Variants in EXOC4 observed in about 807,000 individuals in gnomAD.
EXOC4 encodes the protein SEC8-like 1.
A neutral mutation model predicts 107.2 loss-of-function variants in EXOC4; 71 were observed. The observed-to-expected ratio is 0.66, with a 90% CI of 0.55 to 0.81. The LOEUF is 0.81. Ranked by LOEUF, EXOC4 falls within the 30% of genes least tolerant of loss-of-function variation. The probability of loss-of-function intolerance (pLI) is 0.00; values close to 1 mark genes in which losing one functional copy is unlikely to be tolerated. For missense variants in EXOC4, 1,108 were observed against 1,189.6 expected (o/e 0.93, Z 1.01); for synonymous variants, 456 against 441.2 (o/e 1.03, Z -0.42).
At chr7:133,961,788 C>T (rs1800950867) in intron 14 of EXOC4, among the ~76,000 whole-genome samples, 1 of 152,198 alleles carries the variant, frequency 6.6e-6, no homozygotes, top group South Asian at 2.1e-4. Context: ...CTGGCACAGG[C>T]AGGACTGGAA....
At chr7:134,073,821 G>A in the EXOC4 span, among the ~76,000 whole-genome samples, 1 of 152,146 alleles carries the variant, frequency 6.6e-6, no homozygotes, top group Non-Finnish European at 1.5e-5. Context: ...CCAACACCCT[G>A]CTGCTGAAGC....
At chr7:133,604,139 C>G (rs1396073672) in intron 9 of EXOC4, among the ~76,000 whole-genome samples, 3 of 152,084 alleles carry the variant, frequency 2.0e-5, no homozygotes, top group Non-Finnish European at 4.4e-5. Flanking sequence ...ACTGGAAGAT[C>G]TTCAGGGACA....
At chr7:133,782,255 T>C (rs1474915859) in intron 10 of EXOC4, among the ~76,000 whole-genome samples, 2 of 152,226 alleles carry the variant, frequency 1.3e-5, no homozygotes, top group Admixed American at 1.3e-4. Context: ...AAAATAAATG[T>C]AACCTCTGAG....
chr7:133,674,889 A>T (rs1372770227), intron 10 of EXOC4, among the ~76,000 whole-genome samples: 1 of 152,158 alleles, frequency 6.6e-6, no homozygotes, highest in Non-Finnish European at 1.5e-5. Flanking sequence ...GATGTCATTT[A>T]TATACCTGAA....
chr7:133,817,637 T>TG lies in EXOC4; in HGVS notation c.1734+93_1734+94insG, dbSNP rs142010801. ...TTAAAAAAGAAGAATTACCATCTGT[T>TG]TCCATATTCATCAGGGACAAAACAA... is the stretch of plus-strand genomic sequence containing the variant. On this transcript the variant is annotated intron_variant, in intron 11 of 17. Transcript: ENST00000253861. 3,890 of 890,626 alleles carry TG rather than the reference T, an allele frequency of 4.4e-3. 112 individuals are homozygous for TG. In the African/African-American group the frequency reaches 0.057, roughly 13 times the overall value. The allele number at this position is 890,626 out of a possible 1,614,324, so 55.2% of individuals were successfully genotyped here.
At chr7:133,467,468 C>T (rs966742929) in intron 7 of EXOC4, among the ~76,000 whole-genome samples, 5 of 151,894 alleles carry the variant, frequency 3.3e-5, no homozygotes, top group Admixed American at 1.3e-4. Flanking sequence ...ATTTTGTATA[C>T]TGTCAGATCA....
intron 10 of EXOC4, among the ~76,000 whole-genome samples, chr7:133,808,637 T>C (rs1488069761): frequency 2.6e-5 from 4 of 152,182 alleles, no homozygotes; most frequent in Non-Finnish European, 5.9e-5. Flanking sequence ...TCCAGCCTTT[T>C]GCATGGCCTC....
At chr7:133,493,101 G>A (rs1353033180) in intron 9 of EXOC4, among the ~76,000 whole-genome samples, 2 of 152,116 alleles carry the variant, frequency 1.3e-5, no homozygotes, top group Admixed American at 6.5e-5. Context: ...TAGTGATGAC[G>A]AAATGAGTTA....
chr7:133,506,048 T>A (rs915113923), intron 9 of EXOC4, among the ~76,000 whole-genome samples: 3 of 152,200 alleles, frequency 2.0e-5, no homozygotes, highest in Admixed American at 2.0e-4. Context: ...TTTTTAAAAA[T>A]GAGAGATACG....
In EXOC4 at chr7:133,585,262, G is replaced by A. The variant is rs563044547; in HGVS notation, c.1418-44783G>A. ...TGTTATCTGTGTAACTTCAAGTGAC[G>A]GACTTTCCTAAACTTTAGGTTTCTT... On this transcript the variant is annotated intron_variant, in intron 9 of 17. Transcript: ENST00000253861. 4.6e-5 allele frequency among the ~76,000 whole-genome samples: 7 copies of A among 152,260 alleles called. 1 individual carries two copies. The South Asian group carries it at 1.5e-3, about 32-fold the overall frequency.
chr7:133,693,700 TG>T (rs1172260211), intron 10 of EXOC4, among the ~76,000 whole-genome samples: 1 of 152,170 alleles, frequency 6.6e-6, no homozygotes, highest in African/African-American at 2.4e-5. Context: ...ATTCTCGGCA[TG>T]GGTGATAGAA....
At chr7:133,763,873 T>C (rs563818252) in intron 10 of EXOC4, among the ~76,000 whole-genome samples, 1 of 152,164 alleles carries the variant, frequency 6.6e-6, no homozygotes, top group Admixed American at 6.6e-5. Context: ...ATTTCTGCTT[T>C]TAGTGGCTCT....
At chr7:133,334,080 T>C (rs1795454382) in intron 5 of EXOC4, among the ~76,000 whole-genome samples, 1 of 152,216 alleles carries the variant, frequency 6.6e-6, no homozygotes, top group Non-Finnish European at 1.5e-5. Context: ...TTTAGGTTCA[T>C]TTGTTACTGT....
At chr7:133,798,303 A>G (rs531519934) in intron 10 of EXOC4, among the ~76,000 whole-genome samples, 2 of 152,346 alleles carry the variant, frequency 1.3e-5, no homozygotes, top group African/African-American at 2.4e-5. Context: ...AATAAGCTTT[A>G]GAGATCTCCA....
At chr7:133,905,092 C>T (rs192060246) in intron 12 of EXOC4, among the ~76,000 whole-genome samples, 59 of 152,292 alleles carry the variant, frequency 3.9e-4, no homozygotes, top group Admixed American at 1.1e-3. Flanking sequence ...AGCAGGAAGA[C>T]GTTGCACTCT....
intron 11 of EXOC4, among the ~76,000 whole-genome samples, chr7:133,846,771 G>A (rs1798136709): frequency 6.6e-6 from 1 of 152,232 alleles, no homozygotes; most frequent in Admixed American, 6.5e-5. Flanking sequence ...AAAAGTGGGT[G>A]GCAGGCCACA....
intron 10 of EXOC4, among the ~76,000 whole-genome samples, chr7:133,714,653 A>T (rs1006477282): frequency 1.3e-5 from 2 of 152,234 alleles, no homozygotes; most frequent in African/African-American, 4.8e-5. Flanking sequence ...AACTGTTTAC[A>T]TAGTGTTTAC....
At chr7:133,857,106 ATATATG>A (rs1183528376) in intron 11 of EXOC4, among the ~76,000 whole-genome samples, 1 of 103,948 alleles carries the variant, frequency 9.6e-6, no homozygotes, top group African/African-American at 4.0e-5. Flanking sequence ...TTATATATAT[ATATATG>A]TGTATATATA....
At chr7:133,895,421 A>G (rs1223451234) in intron 11 of EXOC4, among the ~76,000 whole-genome samples, 178 bp from the exon 12 acceptor site, 2 of 152,122 alleles carry the variant, frequency 1.3e-5, no homozygotes, top group Non-Finnish European at 2.9e-5. Context: ...TGTAGACCAG[A>G]GCTGTTCCTA....
Sources: gnomAD v4.1 joint callset for allele counts (sites outside exome capture counted in the v4.1 genomes callset) on GRCh38, gnomAD v4.1.1 for gene constraint, MANE v1.5 for transcripts, NCBI Gene and HGNC (gene_info 2026-07-23, HGNC 2026-07-21) for gene names.